PASD1: variants seen among roughly 807,000 people sequenced by gnomAD.
The protein encoded by PASD1 is circadian clock protein PASD1.
Under a neutral mutation model 58.8 loss-of-function variants are expected in PASD1, and 13 were observed. The observed-to-expected ratio is 0.22, with a 90% CI of 0.14 to 0.35. The LOEUF (loss-of-function observed/expected upper bound fraction) is 0.35. PASD1 is among the 10% of genes least tolerant of loss of function. PASD1 has a pLI of 1.00. For synonymous variants in PASD1, 236 were observed against 216.7 expected (o/e 1.09, Z -0.78); for missense variants, 734 against 568.3 (o/e 1.29, Z -2.96).
intron 1 of PASD1, among the ~76,000 whole-genome samples, chrX:151,577,954 A>G (rs1162851367): frequency 2.7e-5 from 3 of 112,053 alleles, no homozygotes; most frequent in Non-Finnish European, 5.6e-5. Context: ...TACCACATTC[A>G]TCTTTCCCTG....
intron 8 of PASD1, among the ~76,000 whole-genome samples, chrX:151,630,465 G>C (rs1602943116): frequency 1.8e-5 from 2 of 112,558 alleles, no homozygotes. Flanking sequence ...ACATTATGCA[G>C]TATTGTTAGA....
intron 1 of PASD1, among the ~76,000 whole-genome samples, chrX:151,580,393 C>T (rs1374828972): frequency 9.0e-6 from 1 of 111,312 alleles, no homozygotes; most frequent in Non-Finnish European, 1.9e-5. Context: ...ACAAACGAGT[C>T]TCTACTTTTT....
chrX:151,648,748 G>A lies in PASD1; in HGVS notation c.717+46G>A, dbSNP rs62609303. On this transcript the variant is annotated intron_variant, in intron 9 of 15. Transcript: ENST00000370357. ...AGACTACAATCTTAGACCCTTATCC[G>A]TGTGATGTTGATTATTTAGTTAATG... The A allele has an allele frequency of 0.052, 60,013 of 1,158,007 alleles. 1,181 individuals carry two copies. Among genetic ancestry groups the A allele is most frequent in the Middle Eastern group, 0.071 (293 of 4,149 alleles).
intron 15 of PASD1, 94 bp from the exon 16 acceptor site, chrX:151,675,903 T>G: frequency 1.1e-6 from 1 of 926,162 alleles, no homozygotes; most frequent in East Asian, 3.1e-5. Context: ...TCTCAGCAGC[T>G]TGTGTATTTG....
intron 8 of PASD1, among the ~76,000 whole-genome samples, chrX:151,626,334 A>T (rs910408021): frequency 8.9e-6 from 1 of 112,140 alleles, no homozygotes; most frequent in African/African-American, 3.2e-5. Flanking sequence ...AGAAGCAAAT[A>T]TTCCACTATT....
At chrX:151,613,726 T>G (rs1359615598) in intron 4 of PASD1, among the ~76,000 whole-genome samples, 2 of 111,911 alleles carry the variant, frequency 1.8e-5, no homozygotes, top group Non-Finnish European at 3.8e-5. Context: ...TGGGGTATTT[T>G]CAGAAGCATA....
At chrX:151,598,049 C>T (rs945049582) in intron 1 of PASD1, among the ~76,000 whole-genome samples, 1 of 112,376 alleles carries the variant, frequency 8.9e-6, no homozygotes, top group African/African-American at 3.2e-5. Context: ...ATTTTGTTTA[C>T]TAACTTGTTT....
chrX:151,628,508 A>G (rs140168438), intron 8 of PASD1, among the ~76,000 whole-genome samples: 1,828 of 111,733 alleles, frequency 0.016, 15 homozygotes, highest in African/African-American at 0.025. Flanking sequence ...CAAAGATCAG[A>G]TAGTTGTAGA....
chrX:151,589,295 A>C (rs2013214455), intron 1 of PASD1, among the ~76,000 whole-genome samples: 1 of 111,449 alleles, frequency 9.0e-6, no homozygotes, highest in South Asian at 3.8e-4. Context: ...TATTCATGAC[A>C]TGTTAGACTT....
intron 1 of PASD1, among the ~76,000 whole-genome samples, chrX:151,571,681 C>T (rs1489989269): frequency 1.8e-5 from 2 of 112,168 alleles, no homozygotes; most frequent in African/African-American, 3.2e-5. Context: ...GATGCCTAAG[C>T]ATGCAAGAGA....
At chrX:151,580,500 CT>C (rs1222562605) in intron 1 of PASD1, among the ~76,000 whole-genome samples, 7 of 69,545 alleles carry the variant, frequency 1.0e-4, no homozygotes, top group Non-Finnish European at 1.4e-4. Flanking sequence ...TACATCATTT[CT>C]TTTTTTCTTT....
chrX:151,645,488 T>C (rs1471029242), intron 8 of PASD1, among the ~76,000 whole-genome samples: 2 of 112,048 alleles, frequency 1.8e-5, no homozygotes, highest in Admixed American at 9.5e-5. Flanking sequence ...TGTTGAGCAC[T>C]TTACCAATGG....
At chrX:151,616,353 A>C (rs2013637041) in intron 4 of PASD1, among the ~76,000 whole-genome samples, 1 of 111,026 alleles carries the variant, frequency 9.0e-6, no homozygotes, top group Admixed American at 9.6e-5. Flanking sequence ...GTATTGGAAG[A>C]GGGGTGTGAC....
intron 6 of PASD1, among the ~76,000 whole-genome samples, chrX:151,622,693 C>A (rs902398451): frequency 9.1e-6 from 1 of 110,398 alleles, no homozygotes; most frequent in East Asian, 2.9e-4. Flanking sequence ...AATATCCATC[C>A]ACAGGGTAAT....
chrX:151,595,505 T>G (rs1044709205), intron 1 of PASD1, among the ~76,000 whole-genome samples: 4 of 109,063 alleles, frequency 3.7e-5, no homozygotes, highest in Non-Finnish European at 7.6e-5. Flanking sequence ...GATCACGAGG[T>G]CAGGAGATGG....
chrX:151,580,076 C>T (rs1363116975), intron 1 of PASD1, among the ~76,000 whole-genome samples: 1 of 111,977 alleles, frequency 8.9e-6, no homozygotes, highest in East Asian at 2.8e-4. Context: ...ACCCTCTGTG[C>T]TTCTGTTTCT....
chrX:151,657,446 C>T (rs1371531023), intron 9 of PASD1, among the ~76,000 whole-genome samples: 1 of 111,657 alleles, frequency 9.0e-6, no homozygotes, highest in Non-Finnish European at 1.9e-5. Flanking sequence ...ACCAGCTCCT[C>T]CTTGTACCTC....
intron 13 of PASD1, 43 bp from the exon 14 acceptor site, chrX:151,672,140 T>C (rs987319415): frequency 8.9e-7 from 1 of 1,124,147 alleles, no homozygotes; most frequent in Non-Finnish European, 1.2e-6. Context: ...TGGGAGGCTC[T>C]TGCAGACACC....
chrX:151,662,594 C>T (rs1371754482), intron 10 of PASD1, among the ~76,000 whole-genome samples: 6 of 111,042 alleles, frequency 5.4e-5, no homozygotes, highest in Admixed American at 9.7e-5. Flanking sequence ...CAACCATATA[C>T]AACCATCTGT....
Sources: allele counts gnomAD v4.1 joint callset (sites outside exome capture counted in the v4.1 genomes callset), GRCh38; gene constraint gnomAD v4.1.1; transcripts MANE v1.5; gene names NCBI Gene and HGNC (gene_info 2026-07-23, HGNC 2026-07-21).